The following NPAS3 variants were observed in gnomAD, a reference collection of about 807,000 sequenced individuals.
NPAS3 encodes neuronal PAS domain-containing protein 3.
NPAS3 carries 14 observed loss-of-function variants against 73.1 expected under a neutral mutation model. The ratio of observed to expected loss-of-function variants is 0.19; its 90% confidence interval spans 0.13 to 0.30. NPAS3 has a LOEUF of 0.30. Ranked by LOEUF, NPAS3 falls within the 10% of genes least tolerant of loss-of-function variation. The pLI, the probability that NPAS3 is intolerant of heterozygous loss-of-function variation, is 1.00. For missense variants in NPAS3, 1,096 were observed against 1,250.0 expected, an observed-to-expected ratio of 0.88 and a Z score of 1.86; for synonymous variants, 620 against 541.5, an observed-to-expected ratio of 1.14 and a Z score of -2.01.
At chr14:33,739,996 G>GTTAT (rs1428874722) in intron 7 of NPAS3, among the ~76,000 whole-genome samples, 1 of 151,998 alleles carries the variant, frequency 6.6e-6, no homozygotes, top group Non-Finnish European at 1.5e-5. Flanking sequence ...TATAAGTAAA[G>GTTAT]TTATCCCTTC....
chr14:33,354,113 A>G (rs976921295), intron 3 of NPAS3, among the ~76,000 whole-genome samples: 1 of 152,108 alleles, frequency 6.6e-6, no homozygotes, highest in African/African-American at 2.4e-5. Flanking sequence ...TTTTTCATCT[A>G]TGTCTCATGG....
chr14:33,132,571 G>A (rs1412070072), intron 2 of NPAS3, among the ~76,000 whole-genome samples: 3 of 152,088 alleles, frequency 2.0e-5, no homozygotes, highest in Admixed American at 1.3e-4. Flanking sequence ...GGGACTATAA[G>A]CACGTAGATG....
At chr14:33,461,930 G>C (rs564677337) in intron 4 of NPAS3, among the ~76,000 whole-genome samples, 1 of 152,316 alleles carries the variant, frequency 6.6e-6, no homozygotes, top group East Asian at 1.9e-4. Context: ...AGAGACAATA[G>C]AGATTTCAGT....
At chr14:33,653,703 C>T (rs2059065439) in intron 5 of NPAS3, among the ~76,000 whole-genome samples, 1 of 152,198 alleles carries the variant, frequency 6.6e-6, no homozygotes, top group Admixed American at 6.5e-5. Flanking sequence ...GAAGGTCAAA[C>T]AGGTAGCAAA....
At chr14:33,074,589 G>GT (rs2041595277) in intron 2 of NPAS3, among the ~76,000 whole-genome samples, 1 of 152,072 alleles carries the variant, frequency 6.6e-6, no homozygotes, top group Non-Finnish European at 1.5e-5. Context: ...GCTAATTTTT[G>GT]TATTTTTAGT....
intron 6 of NPAS3, among the ~76,000 whole-genome samples, chr14:33,728,982 T>G (rs1232162067): frequency 1.3e-5 from 2 of 152,202 alleles, no homozygotes; most frequent in Admixed American, 6.5e-5. Context: ...AGTATCTGAA[T>G]GTCACTTTAT....
rs868228810 is a variant in NPAS3, at chr14:32,966,718, A to C, written c.50+27352A>C. ...CCGGGAAGCGGAGCTTGCAGTGAGC[A>C]GAGATTGCGCCACTGCAGTCCGCAG... On this transcript the variant is annotated intron_variant, in intron 1 of 11. Coordinates refer to ENST00000356141, the Ensembl canonical transcript of NPAS3. Among the ~76,000 whole-genome samples the C allele has an allele frequency of 2.5e-4, 32 of 127,432 alleles. 4 individuals are homozygous for C. Among genetic ancestry groups the C allele is most frequent in the South Asian group, 2.6e-4 (1 of 3,826 alleles). The allele number at this position is 127,432 out of a possible 152,430, so 83.6% of individuals were successfully genotyped here.
At chr14:32,947,817 A>G (rs1432564524) in intron 1 of NPAS3, among the ~76,000 whole-genome samples, 1 of 151,532 alleles carries the variant, frequency 6.6e-6, no homozygotes, top group Admixed American at 6.6e-5. Flanking sequence ...GCACATTTTT[A>G]TTGTTCTGTG....
Position 33,328,401 on chromosome 14 carries a change from C to CTATTT in NPAS3, c.386-38779_386-38775dup, listed in dbSNP as rs1042638323. Reference sequence around the variant, plus strand: ...TTTATTTGTTTTTCCTGTTTTTTCTCTATTTTATTTATTGATGTTTTTATC... The same window carrying CTATTT: ...TTTATTTGTTTTTCCTGTTTTTTCTCTATTTTATTTTATTTATTGATGTTTTTATC... On this transcript the variant is annotated intron_variant, in intron 3 of 11. Coordinates refer to ENST00000356141, the Ensembl canonical transcript of NPAS3. Among the ~76,000 whole-genome samples, 7 of 141,722 alleles carry CTATTT rather than the reference C, an allele frequency of 4.9e-5. No homozygotes were observed. In the East Asian group the frequency reaches 1.4e-3, roughly 29 times the overall value. 93.0% of individuals were successfully genotyped at this position (141,722 alleles called of 152,430 possible). A position where few individuals can be genotyped will look rare whatever the true frequency, so the allele number is the denominator to read the frequency against.
chr14:33,015,603 G>A (rs911471555), intron 1 of NPAS3, among the ~76,000 whole-genome samples: 3 of 152,072 alleles, frequency 2.0e-5, no homozygotes, highest in Non-Finnish European at 4.4e-5. Flanking sequence ...TTTGCAAGAA[G>A]CAGATTAAAA....
At chr14:33,337,859 T>G (rs2044297470) in intron 3 of NPAS3, among the ~76,000 whole-genome samples, 1 of 152,108 alleles carries the variant, frequency 6.6e-6, no homozygotes, top group Non-Finnish European at 1.5e-5. Context: ...TGAATAGAAT[T>G]TAATTTTCAA....
chr14:33,353,857 T>A (rs2045199858), intron 3 of NPAS3, among the ~76,000 whole-genome samples: 1 of 152,108 alleles, frequency 6.6e-6, no homozygotes, highest in Non-Finnish European at 1.5e-5. Context: ...GGCTTGGGTT[T>A]AGATATATTC....
At chr14:33,253,197 A>G (rs1305587202) in intron 3 of NPAS3, among the ~76,000 whole-genome samples, 1 of 152,156 alleles carries the variant, frequency 6.6e-6, no homozygotes, top group Non-Finnish European at 1.5e-5. Context: ...AGAAGTCTTC[A>G]TGCTGTTTTC....
At chr14:33,139,692 C>A (rs916269423) in intron 2 of NPAS3, among the ~76,000 whole-genome samples, 1 of 152,212 alleles carries the variant, frequency 6.6e-6, no homozygotes, top group Admixed American at 6.5e-5. Context: ...CCCTATGTGG[C>A]TCTTTAAATT....
intron 4 of NPAS3, among the ~76,000 whole-genome samples, chr14:33,505,049 A>G (rs776946168): frequency 6.6e-6 from 1 of 152,028 alleles, no homozygotes; most frequent in Non-Finnish European, 1.5e-5. Context: ...TCAGTACTTT[A>G]AATAAAAATT....
intron 3 of NPAS3, among the ~76,000 whole-genome samples, chr14:33,309,921 T>A (rs952412988): frequency 3.3e-5 from 5 of 151,872 alleles, no homozygotes; most frequent in Non-Finnish European, 7.4e-5. Context: ...GGGAGGAGGG[T>A]CCCTCTAGCA....
chr14:33,742,417 C>T (rs2061677804), intron 7 of NPAS3, among the ~76,000 whole-genome samples: 1 of 152,154 alleles, frequency 6.6e-6, no homozygotes, highest in South Asian at 2.1e-4. Context: ...TTTTGGTTTC[C>T]CAGTGCAGAT....
chr14:33,638,613 G>GTAGTT (rs2058592105), intron 5 of NPAS3, among the ~76,000 whole-genome samples: 1 of 152,226 alleles, frequency 6.6e-6, no homozygotes, highest in Non-Finnish European at 1.5e-5. Context: ...TTGGCCATTA[G>GTAGTT]TAGTTTTAAT....
chr14:33,752,756 C>T (rs1887067), intron 7 of NPAS3, among the ~76,000 whole-genome samples: 1,685 of 152,236 alleles, frequency 0.011, 36 homozygotes, highest in African/African-American at 0.038. Flanking sequence ...TTTTTTAGTG[C>T]TTGCCTATTA....
Sources: allele counts gnomAD v4.1 joint callset (sites outside exome capture counted in the v4.1 genomes callset), GRCh38; gene constraint gnomAD v4.1.1; transcripts MANE v1.5; gene names NCBI Gene and HGNC (gene_info 2026-07-23, HGNC 2026-07-21).